The following CNTNAP2 variants were observed in gnomAD, a reference collection of about 807,000 sequenced individuals.
CNTNAP2 encodes the protein contactin-associated protein-like 2.
A neutral mutation model predicts 155.2 loss-of-function variants in CNTNAP2; 98 were observed. The observed-to-expected ratio is 0.63, with a 90% confidence interval of 0.54 to 0.75. The LOEUF is 0.75. Ranked by LOEUF, CNTNAP2 falls within the 30% of genes least tolerant of loss-of-function variation. The pLI is 0.00. For missense variants in CNTNAP2, 1,727 were observed against 1,688.1 expected (o/e 1.02, Z -0.40); for synonymous variants, 651 against 631.2 (o/e 1.03, Z -0.47).
In CNTNAP2 at chr7:147,732,451, G is replaced by T. The variant is rs1454400580; in HGVS notation, c.2098+93145G>T. Among the ~76,000 whole-genome samples, 8 of 152,096 alleles carry T rather than the reference G, an allele frequency of 5.3e-5. 1 individual carries two copies. Among genetic ancestry groups the T allele is most frequent in the Admixed American group, 5.2e-4 (8 of 15,262 alleles). On this transcript the variant is annotated intron_variant, in intron 13 of 23. Coordinates refer to ENST00000361727, the MANE Select transcript of CNTNAP2 (RefSeq NM_014141.6). ...CAGTCTATCATTGTTGGACATTTGG[G>T]TTGGTTCCAAGTCTTTGCTATTGTG... is the stretch of plus-strand genomic sequence containing the variant.
chr7:148,343,055 A>T (rs1798262482), intron 21 of CNTNAP2, among the ~76,000 whole-genome samples: 1 of 152,158 alleles, frequency 6.6e-6, no homozygotes, highest in South Asian at 2.1e-4. Context: ...GGGCCACAGC[A>T]CTCCCTGCTT....
chr7:147,031,531 C>T (rs1799032221), intron 3 of CNTNAP2, among the ~76,000 whole-genome samples: 1 of 152,160 alleles, frequency 6.6e-6, no homozygotes. Context: ...TAGAAATGTG[C>T]TACTGATAAT....
chr7:147,158,865 C>A (rs1031909925), intron 8 of CNTNAP2, among the ~76,000 whole-genome samples: 1 of 152,026 alleles, frequency 6.6e-6, no homozygotes, highest in Non-Finnish European at 1.5e-5. Flanking sequence ...AGAATTTATT[C>A]TCTAAAGGAG....
At chr7:146,527,933 A>G (rs1207200965) in intron 1 of CNTNAP2, among the ~76,000 whole-genome samples, 1 of 152,178 alleles carries the variant, frequency 6.6e-6, no homozygotes, top group Non-Finnish European at 1.5e-5. Flanking sequence ...AGAGAAATTT[A>G]ACTCCTTATA....
At chr7:147,224,839 A>T (rs1465706558) in intron 8 of CNTNAP2, among the ~76,000 whole-genome samples, 3 of 152,152 alleles carry the variant, frequency 2.0e-5, no homozygotes, top group Admixed American at 2.0e-4. Flanking sequence ...TCTACAATGA[A>T]ACATATTAAT....
chr7:147,523,650 C>T (rs1403850693), intron 11 of CNTNAP2, among the ~76,000 whole-genome samples: 1 of 152,114 alleles, frequency 6.6e-6, no homozygotes, highest in Non-Finnish European at 1.5e-5. Context: ...CAGCTTGGGC[C>T]CCCTGTATCA....
intron 13 of CNTNAP2, among the ~76,000 whole-genome samples, chr7:147,754,474 CAAATT>C (rs1388591772): frequency 2.0e-5 from 3 of 151,940 alleles, no homozygotes; most frequent in East Asian, 1.9e-4. Flanking sequence ...TTTTTAAAAA[CAAATT>C]AAAAGGTAAA....
intron 1 of CNTNAP2, among the ~76,000 whole-genome samples, chr7:146,235,148 A>C (rs1337905440): frequency 1.3e-5 from 2 of 151,850 alleles, no homozygotes; most frequent in African/African-American, 2.4e-5. Context: ...AAGATATCAG[A>C]GATAAAAGCT....
intron 2 of CNTNAP2, among the ~76,000 whole-genome samples, chr7:146,780,925 G>C (rs1398024722): frequency 6.6e-6 from 1 of 151,860 alleles, no homozygotes; most frequent in Non-Finnish European, 1.5e-5. Flanking sequence ...AGTGCATGTG[G>C]GGCTTAAAAC....
At chr7:147,342,685 T>A (rs962382349) in intron 9 of CNTNAP2, among the ~76,000 whole-genome samples, 2 of 152,034 alleles carry the variant, frequency 1.3e-5, no homozygotes, top group African/African-American at 4.8e-5. Flanking sequence ...GGTGGCATAA[T>A]AAAATTTAAA....
intron 13 of CNTNAP2, among the ~76,000 whole-genome samples, chr7:147,801,948 G>C (rs866185054): frequency 2.7e-5 from 4 of 149,868 alleles, no homozygotes; most frequent in Non-Finnish European, 5.9e-5. Flanking sequence ...CTGGCCGGGC[G>C]GGGGGCTGAC....
chr7:146,684,679 C>G (rs144687295), intron 1 of CNTNAP2, among the ~76,000 whole-genome samples: 1 of 134,520 alleles, frequency 7.4e-6, no homozygotes, highest in South Asian at 2.8e-4. Flanking sequence ...TTTAGCTCTG[C>G]CAGTTATTGA....
intron 1 of CNTNAP2, among the ~76,000 whole-genome samples, chr7:146,130,957 A>T (rs35168629): frequency 6.6e-6 from 1 of 152,078 alleles, no homozygotes; most frequent in Non-Finnish European, 1.5e-5. Context: ...GTCACCCCCA[A>T]CCAGGTTTCA....
Position 148,217,288 on chromosome 7 carries a change from A to G in CNTNAP2, c.3011A>G (p.Asp1004Gly). Reference protein sequence around the residue: ...TAYDGTFCNKDVGAFFEEGMW... With the variant: ...TAYDGTFCNKGVGAFFEEGMW... The stretch of plus-strand genomic sequence containing the variant: ...CAATTCTCTCTCTCCTTTATAACAG[A>G]TGTTGGTGCATTTTTTGAAGAAGGG... The change falls in exon 19 of 24, where the codon GAT (aspartate) becomes GGT (glycine). Residue 1004 changes from aspartate to glycine, a missense_variant and splice_region_variant. Asp to Gly is a moderately conservative substitution (Grantham distance 94, BLOSUM62 -1). Transcript: ENST00000361727. 4.3e-6 allele frequency: 7 copies of G among 1,613,848 alleles called. No homozygotes were observed. Among genetic ancestry groups the G allele is most frequent in the Non-Finnish European group, 5.9e-6 (7 of 1,179,928 alleles).
intron 14 of CNTNAP2, among the ~76,000 whole-genome samples, chr7:147,929,416 A>G (rs1800459288): frequency 6.6e-6 from 1 of 152,180 alleles, no homozygotes; most frequent in South Asian, 2.1e-4. Context: ...CCTCTTTTTC[A>G]GAAAAGAATA....
At chr7:146,638,376 G>A (rs189505549) in intron 1 of CNTNAP2, among the ~76,000 whole-genome samples, 204 of 151,768 alleles carry the variant, frequency 1.3e-3, no homozygotes, top group African/African-American at 4.7e-3. Context: ...TTTGGCTGGG[G>A]CAAGTATCAC....
At chr7:146,688,624 A>T (rs1007683775) in intron 1 of CNTNAP2, among the ~76,000 whole-genome samples, 9 of 152,130 alleles carry the variant, frequency 5.9e-5, no homozygotes, top group African/African-American at 1.9e-4. Flanking sequence ...CGAGCAAATC[A>T]CAATGGTGGA....
chr7:147,305,991 C>T (rs553910275), intron 9 of CNTNAP2, among the ~76,000 whole-genome samples: 3 of 152,272 alleles, frequency 2.0e-5, no homozygotes, highest in African/African-American at 7.2e-5. Flanking sequence ...GTTTCCGCAT[C>T]TGAATTTCCT....
At chr7:148,080,123 C>G (rs1419229852) in intron 15 of CNTNAP2, among the ~76,000 whole-genome samples, 2 of 152,082 alleles carry the variant, frequency 1.3e-5, no homozygotes, top group Non-Finnish European at 2.9e-5. Context: ...ATCCTGCACC[C>G]CAGAGTAAAG....
Sources: gnomAD v4.1 joint callset for allele counts (sites outside exome capture counted in the v4.1 genomes callset) on GRCh38, gnomAD v4.1.1 for gene constraint, MANE v1.5 for transcripts, NCBI Gene and HGNC (gene_info 2026-07-23, HGNC 2026-07-21) for gene names.